Variants in ISM2 observed in about 807,000 individuals in gnomAD.
ISM2 encodes isthmin-2.
A neutral mutation model predicts 58.0 loss-of-function variants in ISM2; 50 were observed. The observed-to-expected ratio is 0.86, with a 90% CI of 0.69 to 1.09. ISM2 has a LOEUF of 1.09. Among genes scored for constraint, ISM2 ranks in the 50% least tolerant of loss-of-function variants. The pLI is 0.00. For synonymous variants in ISM2, 303 were observed against 312.4 expected (o/e 0.97, Z 0.32); for missense variants, 723 against 745.0 (o/e 0.97, Z 0.34).
chr14:77,487,013 G>A (rs1198334483), intron 1 of ISM2, among the ~76,000 whole-genome samples: 6 of 151,614 alleles, frequency 4.0e-5, no homozygotes, highest in East Asian at 3.9e-4. Flanking sequence ...AGGCTGAGGC[G>A]GGTGGATCAC....
At position 77,475,517 on chromosome 14, in the gene ISM2, C is replaced by T. The variant is rs1040429161; in HGVS notation, c.*78G>A. The T allele has an allele frequency of 4.4e-5, 62 of 1,406,626 alleles. No homozygotes were observed. The highest frequency in any genetic ancestry group is 1.6e-4 in the South Asian group (11 of 70,138). The allele number at this position is 1,406,626 out of a possible 1,614,324, so 87.1% of individuals were successfully genotyped here. A position where few individuals can be genotyped will look rare whatever the true frequency, so the allele number is the denominator to read the frequency against. On this transcript the variant is annotated 3_prime_UTR_variant, in exon 7 of 7. Transcript: ENST00000342219. The surrounding 1 kb of genome is among the most constrained non-coding windows in gnomAD (Gnocchi z 4.1). ...TTTCCTCACCCTGTCTGGGCAGGGGCGGGTGAGGAAAGTTCTCCCGTGCAA... is the reference window on the plus strand; with the variant it reads ...TTTCCTCACCCTGTCTGGGCAGGGGTGGGTGAGGAAAGTTCTCCCGTGCAA...
At chr14:77,489,577 T>A (rs1230633220) in intron 1 of ISM2, among the ~76,000 whole-genome samples, 1 of 152,042 alleles carries the variant, frequency 6.6e-6, no homozygotes, top group Non-Finnish European at 1.5e-5. Flanking sequence ...TGGGTCTTGC[T>A]ATGTTGCCCA....
intron 1 of ISM2, chr14:77,498,098 A>C (rs2079258843): frequency 2.8e-6 from 1 of 361,618 alleles, no homozygotes; most frequent in South Asian, 2.2e-5. Flanking sequence ...CTTCCATCTC[A>C]TTCCTGTTTT....
intron 6 of ISM2, among the ~76,000 whole-genome samples, chr14:77,476,981 T>G (rs1158831050): frequency 1.3e-5 from 2 of 152,108 alleles, no homozygotes. Context: ...GAGGTTGCAG[T>G]GAGCTGAGAT....
At chr14:77,494,577 A>G (rs974552928) in intron 1 of ISM2, among the ~76,000 whole-genome samples, 17 of 151,890 alleles carry the variant, frequency 1.1e-4, no homozygotes, top group African/African-American at 3.4e-4. Flanking sequence ...TTGTATTTTT[A>G]GTAGAGATGG....
Position 77,484,906 on chromosome 14 carries a change from G to T in ISM2, c.155C>A (p.Pro52Gln). ...CTCTTCCTTCAGAGGCCTAGGATCTGGGGAGGCTGAGACCTGAGGGAGAGA... is the reference window on the plus strand; with the variant it reads ...CTCTTCCTTCAGAGGCCTAGGATCTTGGGAGGCTGAGACCTGAGGGAGAGA... ...LTRLAEVSAS[P>Q]DPRPLKEEEE... The change falls in exon 2 of 7, where the codon CCA (proline) becomes CAA (glutamine). Residue 52 changes from proline to glutamine, a missense_variant. Physicochemically the swap from Pro to Gln is moderately conservative, Grantham distance 76. Coordinates refer to ENST00000342219, the MANE Select transcript of ISM2 (RefSeq NM_199296.3). The T allele has an allele frequency of 6.4e-7, 1 of 1,558,348 alleles. No homozygotes were observed. The highest frequency in any genetic ancestry group is 8.7e-7 in the Non-Finnish European group (1 of 1,153,282).
chr14:77,478,499 C>T lies in ISM2; in HGVS notation c.1114+76G>A. On this transcript the variant is annotated intron_variant, in intron 5 of 6. Coordinates refer to ENST00000342219, the MANE Select transcript of ISM2 (RefSeq NM_199296.3). ...CCTGCATCCCATCTCCCAAGCCCAC[C>T]CACATTCCCAGGGGACCAAGCCTCC... 3.2e-6 allele frequency: 5 copies of T among 1,561,032 alleles called. No individual in the cohort carries two copies. The South Asian group carries it at 4.6e-5, about 14-fold the overall frequency.
At chr14:77,482,790 T>A in intron 3 of ISM2, 123 bp from the exon 4 acceptor site, 2 of 626,204 alleles carry the variant, frequency 3.2e-6, no homozygotes. Context: ...ACCAGCTGTC[T>A]TCTCTTGGCT....
chr14:77,491,692 T>TC (rs1491497383), intron 1 of ISM2, among the ~76,000 whole-genome samples: 39 of 108,054 alleles, frequency 3.6e-4, no homozygotes, highest in Non-Finnish European at 7.3e-4. Context: ...GCGTCTGGTC[T>TC]TTTTTTTTTT....
At chr14:77,494,707 T>C (rs2079227984) in intron 1 of ISM2, among the ~76,000 whole-genome samples, 1 of 151,730 alleles carries the variant, frequency 6.6e-6, no homozygotes, top group Admixed American at 6.6e-5. Context: ...TGGTCAGTTA[T>C]TTGTGACACG....
At chr14:77,491,976 G>GT (rs1476080163) in intron 1 of ISM2, among the ~76,000 whole-genome samples, 1 of 151,374 alleles carries the variant, frequency 6.6e-6, no homozygotes, top group Non-Finnish European at 1.5e-5. Context: ...GATTACAGGC[G>GT]TGAGCCACCG....
At chr14:77,477,326 G>A (rs11848116) in intron 6 of ISM2, among the ~76,000 whole-genome samples, 2,385 of 152,240 alleles carry the variant, frequency 0.016, 57 homozygotes, top group African/African-American at 0.055. Flanking sequence ...GGGATGAGCT[G>A]TCCAGCCCCG....
At chr14:77,496,653 C>T (rs567665796) in intron 1 of ISM2, among the ~76,000 whole-genome samples, 6 of 148,584 alleles carry the variant, frequency 4.0e-5, no homozygotes, top group South Asian at 2.1e-4. Context: ...AAAAATTAGC[C>T]GGGCGTGGTG....
At chr14:77,493,847 C>T (rs928604235) in intron 1 of ISM2, among the ~76,000 whole-genome samples, 1 of 152,156 alleles carries the variant, frequency 6.6e-6, no homozygotes, top group Non-Finnish European at 1.5e-5. Flanking sequence ...TCTTGGCTCA[C>T]TGCAAGCTCG....
chr14:77,485,517 C>T (rs1221491497), intron 1 of ISM2, among the ~76,000 whole-genome samples: 1 of 152,272 alleles, frequency 6.6e-6, no homozygotes, highest in African/African-American at 2.4e-5. Context: ...TCATCCCTGC[C>T]AACAGCCACT....
Position 77,484,440 on chromosome 14 carries a change from C to T in ISM2, c.510G>A (p.Leu170=). 6.2e-7 allele frequency: 1 copy of T among 1,612,298 alleles called. No individual in the cohort carries two copies. The highest frequency in any genetic ancestry group is 1.3e-5 in the African/African-American group (1 of 74,572). Reference sequence around the variant, plus strand: ...TGGGAGGCGTGGCATTCCCTGGGGTCAGGGCTGCTGGCTCAGTGACAGTCC... The same window carrying T: ...TGGGAGGCGTGGCATTCCCTGGGGTTAGGGCTGCTGGCTCAGTGACAGTCC... ...GCWTVTEPAA[L]TPGNATPPRT... Residue 170 remains leucine, a synonymous_variant, in exon 3 of 7, where the codon CTG becomes CTA. Coordinates refer to ENST00000342219, the MANE Select transcript of ISM2 (RefSeq NM_199296.3).
chr14:77,497,420 C>T (rs1482906370), intron 1 of ISM2, among the ~76,000 whole-genome samples: 1 of 148,086 alleles, frequency 6.8e-6, no homozygotes, highest in African/African-American at 2.5e-5. Context: ...CACCATGGCT[C>T]ATGCCTGTAA....
At chr14:77,496,716 G>A (rs768922494) in intron 1 of ISM2, among the ~76,000 whole-genome samples, 1 of 139,540 alleles carries the variant, frequency 7.2e-6, no homozygotes, top group Non-Finnish European at 1.5e-5. Context: ...AGAATTGCTT[G>A]AACCCGAGAG....
Position 77,475,582 on chromosome 14 carries a change from A to G in ISM2, c.*13T>C. ...TGCCCTCTCCCTGCAGTGTCTGTTC[A>G]GCAACCCCGTCACTAGTACTCCTTG... On this transcript the variant is annotated 3_prime_UTR_variant, in exon 7 of 7. Transcript: ENST00000342219. This position sits in a 1 kb window ranked among gnomAD's most constrained non-coding sequence, Gnocchi z 4.1. 6.5e-7 allele frequency: 1 copy of G among 1,541,312 alleles called. No homozygotes were observed. Among genetic ancestry groups the G allele is most frequent in the Non-Finnish European group, 8.8e-7 (1 of 1,141,798 alleles).
Sources: allele counts gnomAD v4.1 joint callset (sites outside exome capture counted in the v4.1 genomes callset), GRCh38; gene constraint gnomAD v4.1.1; non-coding constraint Gnocchi (gnomAD v3.1); transcripts MANE v1.5; gene names NCBI Gene and HGNC (gene_info 2026-07-23, HGNC 2026-07-21).